NTM: variants seen among roughly 807,000 people sequenced by gnomAD.
The protein encoded by NTM is neurotrimin.
NTM carries 13 observed loss-of-function variants against 42.1 expected under a neutral mutation model. The observed-to-expected ratio is 0.31, with a 90% CI of 0.20 to 0.49. NTM has a LOEUF of 0.49. Among genes scored for constraint, NTM ranks in the 20% least tolerant of loss-of-function variants. The probability of loss-of-function intolerance (pLI) is 0.99; values close to 1 mark genes in which losing one functional copy is unlikely to be tolerated. For synonymous variants in NTM, 187 were observed against 179.2 expected, an observed-to-expected ratio of 1.04 and a Z score of -0.35; for missense variants, 373 against 452.8, an observed-to-expected ratio of 0.82 and a Z score of 1.60.
chr11:131,667,519 G>A (rs905348479), intron 1 of NTM, among the ~76,000 whole-genome samples: 2 of 152,166 alleles, frequency 1.3e-5, no homozygotes, highest in Admixed American at 6.5e-5. Context: ...TAGGGGAGCA[G>A]CCCCATGACA....
intron 1 of NTM, among the ~76,000 whole-genome samples, chr11:131,800,492 C>A (rs372239866): frequency 6.6e-6 from 1 of 152,226 alleles, no homozygotes; most frequent in Non-Finnish European, 1.5e-5. Flanking sequence ...GCAAAAGATT[C>A]ATATAGGCTA....
intron 1 of NTM, among the ~76,000 whole-genome samples, chr11:131,647,014 G>A (rs2134288149): frequency 6.6e-6 from 1 of 152,350 alleles, no homozygotes; most frequent in East Asian, 1.9e-4. Flanking sequence ...GCACTGCCTT[G>A]CAGGGCTCCC....
At chr11:131,425,980 C>T (rs1948099610) in intron 1 of NTM, among the ~76,000 whole-genome samples, 1 of 152,092 alleles carries the variant, frequency 6.6e-6, no homozygotes, top group South Asian at 2.1e-4. Context: ...ATCTTGGACT[C>T]TCACCAGGCG....
chr11:131,782,631 A>T (rs915002313), intron 1 of NTM, among the ~76,000 whole-genome samples: 1 of 152,164 alleles, frequency 6.6e-6, no homozygotes, highest in African/African-American at 2.4e-5. Flanking sequence ...ATCCAGAAAT[A>T]TATAAATAGG....
At chr11:132,213,837 C>T (rs1187369651) in intron 4 of NTM, among the ~76,000 whole-genome samples, 1 of 74,808 alleles carries the variant, frequency 1.3e-5, no homozygotes, top group African/African-American at 4.2e-5. Context: ...CGGGTTCACG[C>T]CATTCTCCCG....
chr11:131,711,899 G>T (rs1316479931), intron 1 of NTM, among the ~76,000 whole-genome samples: 1 of 144,836 alleles, frequency 6.9e-6, no homozygotes, highest in South Asian at 2.2e-4. Flanking sequence ...ACCAAACACC[G>T]CATGTTCTCA....
chr11:131,885,173 G>A (rs1197971332), intron 1 of NTM, among the ~76,000 whole-genome samples: 1 of 152,166 alleles, frequency 6.6e-6, no homozygotes, highest in African/African-American at 2.4e-5. Flanking sequence ...AAGCAGAGAG[G>A]GTAGGGTTTA....
At chr11:132,106,554 C>T (rs1249718015) in intron 2 of NTM, among the ~76,000 whole-genome samples, 1 of 152,230 alleles carries the variant, frequency 6.6e-6, no homozygotes, top group Non-Finnish European at 1.5e-5. Context: ...AACAAAGTAC[C>T]CAGCAGGAGG....
chr11:131,563,657 A>G (rs1187404808), intron 1 of NTM, among the ~76,000 whole-genome samples: 3 of 150,454 alleles, frequency 2.0e-5, no homozygotes, highest in African/African-American at 7.4e-5. Context: ...ACTTAGTACA[A>G]TACCCTTGGA....
intron 2 of NTM, among the ~76,000 whole-genome samples, chr11:132,052,281 C>T (rs1318493593): frequency 6.6e-6 from 1 of 152,170 alleles, no homozygotes; most frequent in Admixed American, 6.5e-5. Context: ...TTGGAACTCT[C>T]CCTTTTTCCC....
intron 1 of NTM, among the ~76,000 whole-genome samples, chr11:131,432,836 A>ATTTTTTTTTTTTTTTT (rs1565494754): frequency 2.3e-5 from 2 of 87,388 alleles, no homozygotes; most frequent in African/African-American, 9.1e-5. Context: ...AAGATTTAGC[A>ATTTTTTTTTTTTTTTT]TTCTTTTTTT....
At chr11:132,088,316 G>C (rs2059984546) in intron 2 of NTM, among the ~76,000 whole-genome samples, 1 of 152,090 alleles carries the variant, frequency 6.6e-6, no homozygotes, top group Admixed American at 6.5e-5. Context: ...AGAAATGAAA[G>C]GGAAAGATAT....
intron 7 of NTM, among the ~76,000 whole-genome samples, chr11:132,320,297 G>T (rs182280115): frequency 6.6e-6 from 1 of 152,318 alleles, no homozygotes; most frequent in African/African-American, 2.4e-5. Context: ...GCCAGACAGT[G>T]GGTGCAGGTC....
chr11:132,201,233 A>T (rs2081108729), intron 3 of NTM, among the ~76,000 whole-genome samples: 1 of 152,188 alleles, frequency 6.6e-6, no homozygotes, highest in Admixed American at 6.5e-5. Context: ...GCCTAATGGA[A>T]TGGGGTCTTG....
At chr11:132,138,567 T>G (rs1566271582) in intron 2 of NTM, among the ~76,000 whole-genome samples, 1 of 5,484 alleles carries the variant, frequency 1.8e-4, no homozygotes, top group East Asian at 2.8e-3. Context: ...CAACAGAATC[T>G]ATCTATCTAT....
At chr11:131,937,858 G>A (rs191196225) in intron 2 of NTM, among the ~76,000 whole-genome samples, 308 of 152,302 alleles carry the variant, frequency 2.0e-3, no homozygotes, top group African/African-American at 7.1e-3. Flanking sequence ...GTGTCTCAAA[G>A]GGCGGGTAAA....
At chr11:131,394,595 C>T (rs369962281) in intron 1 of NTM, among the ~76,000 whole-genome samples, 1 of 152,170 alleles carries the variant, frequency 6.6e-6, no homozygotes, top group South Asian at 2.1e-4. Context: ...AATGCAGCAG[C>T]TCTGAGTGCA....
intron 1 of NTM, among the ~76,000 whole-genome samples, chr11:131,765,311 A>G (rs934386499): frequency 1.3e-5 from 2 of 152,072 alleles, no homozygotes; most frequent in African/African-American, 4.8e-5. Context: ...TACCTTTATG[A>G]TTTGACTTCT....
intron 4 of NTM, among the ~76,000 whole-genome samples, chr11:132,249,610 G>A (rs2091692281): frequency 6.6e-6 from 1 of 152,180 alleles, no homozygotes; most frequent in South Asian, 2.1e-4. Flanking sequence ...CTTCTCCTTA[G>A]AATCCTCCTT....
Sources: allele counts gnomAD v4.1 joint callset (sites outside exome capture counted in the v4.1 genomes callset), GRCh38; gene constraint gnomAD v4.1.1; transcripts MANE v1.5; gene names NCBI Gene and HGNC (gene_info 2026-07-23, HGNC 2026-07-21).